Variants in TMTC2 observed in about 807,000 individuals in gnomAD.
The protein encoded by TMTC2 is protein O-mannosyl-transferase TMTC2.
A neutral mutation model predicts 82.4 loss-of-function variants in TMTC2; 43 were observed. That is an observed-to-expected ratio of 0.52 (90% confidence interval 0.41 to 0.67). TMTC2 has a LOEUF of 0.67. Among genes scored for constraint, TMTC2 ranks in the 30% least tolerant of loss-of-function variants. The pLI, the probability that TMTC2 is intolerant of heterozygous loss-of-function variation, is 0.00. For synonymous variants in TMTC2, 408 were observed against 381.9 expected (o/e 1.07, Z -0.80); for missense variants, 919 against 1,012.4 (o/e 0.91, Z 1.25).
intron 1 of TMTC2, among the ~76,000 whole-genome samples, chr12:82,843,178 C>T (rs1870439155): frequency 6.6e-6 from 1 of 151,990 alleles, no homozygotes; most frequent in South Asian, 2.1e-4. Flanking sequence ...TCTCTGCCTC[C>T]CGGGTTCAAG....
At chr12:82,944,478 C>T (rs1020124477) in intron 4 of TMTC2, among the ~76,000 whole-genome samples, 1 of 150,610 alleles carries the variant, frequency 6.6e-6, no homozygotes, top group Non-Finnish European at 1.5e-5. Flanking sequence ...CAGCGACTCC[C>T]AGGCAGGAGA....
chr12:82,824,186 G>A (rs1265997461), intron 1 of TMTC2, among the ~76,000 whole-genome samples: 2 of 152,250 alleles, frequency 1.3e-5, no homozygotes, highest in Non-Finnish European at 2.9e-5. Flanking sequence ...GGGCCACCGC[G>A]CCTGGCCTAT....
chr12:82,977,675 G>C (rs1473553761), intron 7 of TMTC2, among the ~76,000 whole-genome samples: 1 of 151,694 alleles, frequency 6.6e-6, no homozygotes. Flanking sequence ...AATGTTTTGT[G>C]TATAAAAGAT....
chr12:83,111,430 CT>C (rs746333313), intron 11 of TMTC2, among the ~76,000 whole-genome samples: 2 of 152,168 alleles, frequency 1.3e-5, no homozygotes, highest in Non-Finnish European at 2.9e-5. Context: ...ATGTTCCAAT[CT>C]TTATGGCCAC....
At chr12:82,908,044 G>A (rs748248380) in intron 3 of TMTC2, among the ~76,000 whole-genome samples, 2 of 152,082 alleles carry the variant, frequency 1.3e-5, no homozygotes, top group East Asian at 1.9e-4. Flanking sequence ...CCCAGGGGGC[G>A]GAGGTTGCAG....
intron 2 of TMTC2, among the ~76,000 whole-genome samples, chr12:82,881,828 A>G (rs1327520322): frequency 2.0e-5 from 3 of 152,194 alleles, no homozygotes; most frequent in African/African-American, 7.2e-5. Flanking sequence ...CCATTTATTT[A>G]TAACAAGTAT....
chr12:82,836,769 T>C (rs762068360), intron 1 of TMTC2, among the ~76,000 whole-genome samples: 1 of 152,156 alleles, frequency 6.6e-6, no homozygotes, highest in Non-Finnish European at 1.5e-5. Flanking sequence ...GCCCCTTTGC[T>C]AATAATTAAA....
intron 1 of TMTC2, among the ~76,000 whole-genome samples, chr12:82,794,618 T>G (rs1462044676): frequency 6.6e-6 from 1 of 152,164 alleles, no homozygotes; most frequent in Non-Finnish European, 1.5e-5. Context: ...TATAAGCACA[T>G]TAAAATGGTC....
chr12:82,802,109 C>A (rs941038501), intron 1 of TMTC2, among the ~76,000 whole-genome samples: 2 of 152,126 alleles, frequency 1.3e-5, no homozygotes, highest in Non-Finnish European at 2.9e-5. Flanking sequence ...GTGGGGGAGG[C>A]TCTGGCAGGG....
Position 83,111,848 on chromosome 12 carries a change from T to C in TMTC2, c.2332-20362T>C, listed in dbSNP as rs180842343. Among the ~76,000 whole-genome samples the C allele has an allele frequency of 4.7e-4, 71 of 151,998 alleles. 1 individual carries two copies. The East Asian group carries it at 7.2e-3, about 15-fold the overall frequency. ...ACATACTCTGTTTTATTTAAAAAAT[T>C]ATAATCAGAGAACCACAGGAGAGAC... On this transcript the variant is annotated intron_variant, in intron 11 of 11. Transcript: ENST00000321196.
intron 11 of TMTC2, among the ~76,000 whole-genome samples, chr12:83,111,267 G>T (rs11115596): frequency 0.5 from 75,971 of 152,010 alleles, 19,532 homozygotes; most frequent in East Asian, 0.73. Flanking sequence ...CCCATTTAAT[G>T]TTTAAACTAG....
chr12:82,767,770 ATTTC>A (rs1412957171), intron 1 of TMTC2, among the ~76,000 whole-genome samples: 2 of 151,862 alleles, frequency 1.3e-5, no homozygotes, highest in African/African-American at 4.8e-5. Context: ...TCTATTGTTT[ATTTC>A]TTCTTACGAA....
intron 7 of TMTC2, among the ~76,000 whole-genome samples, chr12:82,970,526 G>A (rs893969042): frequency 4.0e-5 from 6 of 149,342 alleles, no homozygotes; most frequent in South Asian, 2.1e-4. Context: ...GTAGAGACGG[G>A]GTTTCACCTT....
At chr12:82,980,545 G>A (rs1031747925) in intron 7 of TMTC2, among the ~76,000 whole-genome samples, 3 of 151,744 alleles carry the variant, frequency 2.0e-5, no homozygotes, top group African/African-American at 7.2e-5. Context: ...TGTATTAGGG[G>A]CTGGAAGCCT....
At chr12:82,820,463 C>G (rs1429059855) in intron 1 of TMTC2, among the ~76,000 whole-genome samples, 1 of 151,746 alleles carries the variant, frequency 6.6e-6, no homozygotes, top group East Asian at 2.0e-4. Context: ...CGTCCTCCAC[C>G]TCCTGGGTTC....
At chr12:82,951,744 G>A (rs1565824927) in intron 4 of TMTC2, among the ~76,000 whole-genome samples, 1 of 152,162 alleles carries the variant, frequency 6.6e-6, no homozygotes, top group Non-Finnish European at 1.5e-5. Context: ...GCCTTTCACA[G>A]CAAGTGTGTT....
At chr12:82,713,648 G>T (rs1477109695) in intron 1 of TMTC2, among the ~76,000 whole-genome samples, 1 of 152,110 alleles carries the variant, frequency 6.6e-6, no homozygotes, top group Non-Finnish European at 1.5e-5. Context: ...AAAGACCTGT[G>T]CCCATGATTC....
intron 8 of TMTC2, among the ~76,000 whole-genome samples, chr12:82,992,997 A>G (rs958462179): frequency 9.2e-5 from 14 of 151,882 alleles, no homozygotes; most frequent in Non-Finnish European, 4.4e-5. Flanking sequence ...TTATTTATTT[A>G]TTTTTGAGAT....
chr12:82,871,546 A>T (rs1872176595), intron 2 of TMTC2, among the ~76,000 whole-genome samples: 1 of 152,122 alleles, frequency 6.6e-6, no homozygotes, highest in Non-Finnish European at 1.5e-5. Flanking sequence ...TAACTGTATA[A>T]CTCTGTGCTA....
Sources: gnomAD v4.1 joint callset for allele counts (sites outside exome capture counted in the v4.1 genomes callset) on GRCh38, gnomAD v4.1.1 for gene constraint, MANE v1.5 for transcripts, NCBI Gene and HGNC (gene_info 2026-07-23, HGNC 2026-07-21) for gene names.